NEURL4: variants seen among roughly 807,000 people sequenced by gnomAD.
NEURL4 encodes the protein neuralized E3 ubiquitin protein ligase 4.
Under a neutral mutation model 148.0 loss-of-function variants are expected in NEURL4, and 45 were observed. The ratio of observed to expected loss-of-function variants is 0.30; its 90% CI spans 0.24 to 0.39. The LOEUF is 0.39. NEURL4 is among the 10% of genes least tolerant of loss of function. NEURL4 has a pLI of 1.00. For synonymous variants in NEURL4, 854 were observed against 869.0 expected, an observed-to-expected ratio of 0.98 and a Z score of 0.30; for missense variants, 1,776 against 2,144.0, an observed-to-expected ratio of 0.83 and a Z score of 3.39.
Position 7,323,805 on chromosome 17 carries a change from G to A in NEURL4, c.2261+9C>T. The stretch of plus-strand genomic sequence containing the variant: ...AGGAAGGTGGGGACATGAAAGTTGA[G>A]AGACTGACCGGTTGGAGATGACGAT... On this transcript the variant is annotated intron_variant, in intron 12 of 28. Transcript: ENST00000399464. 3 of 1,614,162 alleles carry A rather than the reference G, an allele frequency of 1.9e-6. No individual in the cohort carries two copies. The highest frequency in any genetic ancestry group is 2.5e-6 in the Non-Finnish European group (3 of 1,180,030).
Position 7,319,188 on chromosome 17 carries a change from G to A in NEURL4, c.3546C>T (p.Asn1182=). Reference sequence around the variant, plus strand: ...GGACAAGGGAAGATGTCCACTGTCGGTTTAGGAAATCTATCCGCACCTGGG... The same window carrying A: ...GGACAAGGGAAGATGTCCACTGTCGATTTAGGAAATCTATCCGCACCTGGG... ...LLVQVRIDFL[N]RQWTSSLVLG... is the part of the protein sequence containing the mutation. The change falls in exon 22 of 29, where the codon AAC becomes AAT. Residue 1182 remains asparagine (N), a synonymous_variant. Transcript: ENST00000399464. 6.2e-7 allele frequency: 1 copy of A among 1,612,898 alleles called. No individual in the cohort carries two copies. Among genetic ancestry groups the A allele is most frequent in the East Asian group, 2.2e-5 (1 of 44,848 alleles).
Position 7,318,171 on chromosome 17 carries a change from A to T in NEURL4, c.3954T>A (p.Gly1318=), listed in dbSNP as rs200258285. The T allele has an allele frequency of 3.1e-6, 5 of 1,613,856 alleles. No individual in the cohort carries two copies. The highest frequency in any genetic ancestry group is 4.2e-6 in the Non-Finnish European group (5 of 1,179,862). ...GDMEKADMVD[G]IKESVCWGPP... is the part of the protein sequence containing the mutation. ...GACCCCAGCACACACTCTCTTTGAT[A>T]CCTGAGGGAGCAGAGGGGCACAGGT... Residue 1318 remains glycine (G), a splice_region_variant and synonymous_variant, in exon 25 of 29, where the codon GGT becomes GGA. Coordinates refer to ENST00000399464, the MANE Select transcript of NEURL4 (RefSeq NM_032442.3). The surrounding 1 kb of genome is among the most constrained non-coding windows in gnomAD (Gnocchi z 4.3).
rs924816959 is a variant in NEURL4 at position 7,321,400 on chromosome 17, A to G, written c.3159T>C (p.Asp1053=). ...GADDTMHILV[D]GEDMGPAATG... is the part of the protein sequence containing the mutation. ...TGGCTGCAGGCCCCATATCCTCTCC[A>G]TCCACCAGGATGTGCATCGTGTCAT... Residue 1053 remains aspartate, a synonymous_variant, in exon 19 of 29, where the codon GAT becomes GAC. Coordinates refer to ENST00000399464, the MANE Select transcript of NEURL4 (RefSeq NM_032442.3). The surrounding 1 kb of genome is among the most constrained non-coding windows in gnomAD (Gnocchi z 6.3). The G allele has an allele frequency of 6.2e-7, 1 of 1,613,992 alleles. No individual in the cohort carries two copies. Among genetic ancestry groups the G allele is most frequent in the Non-Finnish European group, 8.5e-7 (1 of 1,179,990 alleles).
At chr17:7,316,436 C>G in intron 28 of NEURL4, 109 bp from the exon 29 acceptor site, 1 of 835,996 alleles carries the variant, frequency 1.2e-6, no homozygotes, top group Non-Finnish European at 1.9e-6. Context: ...AATACTCCCA[C>G]CTTATGGGAA....
At position 7,327,527 on chromosome 17, in the gene NEURL4, G is replaced by T. The variant is rs1462853165; in HGVS notation, c.640C>A (p.Pro214Thr). 2 of 1,606,908 alleles carry T rather than the reference G, an allele frequency of 1.2e-6. No homozygotes were observed. Among genetic ancestry groups the T allele is most frequent in the East Asian group, 2.2e-5 (1 of 44,838 alleles). ...AGGGGAGGTGTGGGGATGGGAGTAG[G>T]GGGGCTGAAGCCTGGCTCAGGGGGT... ...VLPPEPGFSP[P>T]TPIPTPPLEP... Residue 214 changes from proline to threonine, a missense_variant, in exon 2 of 29, where the codon CCT becomes ACT. Physicochemically the swap from Pro to Thr is conservative, Grantham distance 38. Coordinates refer to ENST00000399464, the MANE Select transcript of NEURL4 (RefSeq NM_032442.3). The surrounding 1 kb of genome is among the most constrained non-coding windows in gnomAD (Gnocchi z 6.6).
Position 7,315,808 on chromosome 17 carries a change from C to T in NEURL4, c.*315G>A, listed in dbSNP as rs570001593. ...GATTCACAGTAACCAGAAACAAAAA[C>T]GGAAATAAATTAAGTGATGTGGGGT... On this transcript the variant is annotated 3_prime_UTR_variant, in exon 29 of 29. Coordinates refer to ENST00000399464, the MANE Select transcript of NEURL4 (RefSeq NM_032442.3). 2.0e-6 allele frequency: 1 copy of T among 511,778 alleles called. No individual in the cohort carries two copies. The highest frequency in any genetic ancestry group is 2.0e-5 in the African/African-American group (1 of 51,044). The allele number at this position is 511,778 out of a possible 1,614,324, so 31.7% of individuals were successfully genotyped here. A position where few individuals can be genotyped will look rare whatever the true frequency, so the allele number is the denominator to read the frequency against.
chr17:7,327,863 T>G lies in NEURL4; in HGVS notation c.304A>C (p.Ile102Leu), dbSNP rs772650227. ...DRKVNSWSGS[I>L]EIGVTALDPS... Reference sequence around the variant, plus strand: ...TCCAGCGCTGTCACCCCAATCTCAATGGAGCCGCTCCAGGAGTTGACCTGG... The same window carrying G: ...TCCAGCGCTGTCACCCCAATCTCAAGGGAGCCGCTCCAGGAGTTGACCTGG... Residue 102 changes from isoleucine to leucine, a missense_variant, in exon 2 of 29, where the codon ATT becomes CTT. Ile to Leu is a conservative substitution (Grantham distance 5). Coordinates refer to ENST00000399464, the MANE Select transcript of NEURL4 (RefSeq NM_032442.3). This position sits in a 1 kb window ranked among gnomAD's most constrained non-coding sequence, Gnocchi z 6.6. The G allele has an allele frequency of 1.9e-6, 3 of 1,611,230 alleles. No homozygotes were observed. Among genetic ancestry groups the G allele is most frequent in the African/African-American group, 1.3e-5 (1 of 74,972 alleles).
chr17:7,327,036 G>T lies in NEURL4; in HGVS notation c.794-27C>A, dbSNP rs765098749. On this transcript the variant is annotated intron_variant, in intron 3 of 28. Transcript: ENST00000399464. This position sits in a 1 kb window ranked among gnomAD's most constrained non-coding sequence, Gnocchi z 6.6. ...TATAGCAGCAGGATGGAAGAAGGAA[G>T]CTCGGAAGTTGGGATGAGGCTCTAC... is the stretch of plus-strand genomic sequence containing the variant. 5.0e-6 allele frequency: 8 copies of T among 1,606,172 alleles called. No homozygotes were observed. The highest frequency in any genetic ancestry group is 1.7e-6 in the Non-Finnish European group (2 of 1,179,676).
chr17:7,329,252 C>G lies in NEURL4; in HGVS notation c.61G>C (p.Gly21Arg), dbSNP rs1361522376. ...CCGCTCCCGCTGGGGCCCCCACCCC[C>G]GCCCGGCCCCGGTCCAGGGCCTCCC... The part of the protein sequence containing the change: ...SGGGPGPGPG[G>R]GGGPSGSGSG... The change falls in exon 1 of 29, where the codon GGG (glycine) becomes CGG (arginine). Residue 21 changes from glycine to arginine, a missense_variant. Gly to Arg is a moderately radical substitution (Grantham distance 125). Transcript: ENST00000399464. The G allele has an allele frequency of 6.7e-7, 1 of 1,486,318 alleles. No homozygotes were observed. The highest frequency in any genetic ancestry group is 2.3e-5 in the Admixed American group (1 of 44,310). 92.1% of individuals were successfully genotyped at this position (1,486,318 alleles called of 1,614,324 possible).
Position 7,322,984 on chromosome 17 carries a change from G to C in NEURL4, c.2557C>G (p.Gln853Glu). The change falls in exon 15 of 29, where the codon CAA becomes GAA. Residue 853 changes from glutamine (Q) to glutamate (E), a missense_variant. By Grantham distance (29) the Gln-to-Glu change is conservative. Coordinates refer to ENST00000399464, the MANE Select transcript of NEURL4 (RefSeq NM_032442.3). The surrounding 1 kb of genome is among the most constrained non-coding windows in gnomAD (Gnocchi z 5.5). Reference sequence around the variant, plus strand: ...GGCAGGCCCGAGCAGGCAGCGCCTTGGTCCTGGCCGTTGATGAAGTAGTGC... The same window carrying C: ...GGCAGGCCCGAGCAGGCAGCGCCTTCGTCCTGGCCGTTGATGAAGTAGTGC... Reference protein sequence around the residue: ...DLHYFINGQDQGAACSGLPPG... With the variant: ...DLHYFINGQDEGAACSGLPPG... The C allele has an allele frequency of 6.2e-7, 1 of 1,613,682 alleles. No individual in the cohort carries two copies. The highest frequency in any genetic ancestry group is 8.5e-7 in the Non-Finnish European group (1 of 1,179,986).
intron 21 of NEURL4, among the ~76,000 whole-genome samples, chr17:7,319,893 G>A (rs945897524): frequency 1.3e-5 from 2 of 151,502 alleles, no homozygotes; most frequent in African/African-American, 4.8e-5. Context: ...GCAGCGGTGC[G>A]ATCTCGGCTC....
At chr17:7,325,581 C>A in intron 7 of NEURL4, 60 bp downstream of exon 7, 5 of 1,583,632 alleles carry the variant, frequency 3.2e-6, no homozygotes, top group East Asian at 2.2e-5. Flanking sequence ...TGAGGTACAG[C>A]CCCCAGTCCC....
At position 7,318,854 on chromosome 17, in the gene NEURL4, T is replaced by C; in HGVS notation, c.3685-180A>G. The C allele has an allele frequency of 1.1e-6, 1 of 904,984 alleles. No individual in the cohort carries two copies. Among genetic ancestry groups the C allele is most frequent in the Non-Finnish European group, 1.6e-6 (1 of 608,306 alleles). The allele number at this position is 904,984 out of a possible 1,614,324, so 56.1% of individuals were successfully genotyped here. On this transcript the variant is annotated intron_variant, in intron 22 of 28. Transcript: ENST00000399464. The surrounding 1 kb of genome is among the most constrained non-coding windows in gnomAD (Gnocchi z 4.3). ...CCCCTTCCCCAAAACTGGCACATTC[T>C]CAATGGCAGGGACACCGCAGGAAGC...
Position 7,321,532 on chromosome 17 carries a change from C to A in NEURL4, c.3099+28G>T, listed in dbSNP as rs569960933. On this transcript the variant is annotated intron_variant, in intron 18 of 28. Transcript: ENST00000399464. This position sits in a 1 kb window ranked among gnomAD's most constrained non-coding sequence, Gnocchi z 6.3. ...CCTGCCACCTCCACTCCCAACCCCT[C>A]CCCTGTCCCTGGAGCCAGCCACTTC... is the stretch of plus-strand genomic sequence containing the variant. 3.1e-6 allele frequency: 5 copies of A among 1,613,446 alleles called. No individual in the cohort carries two copies. The highest frequency in any genetic ancestry group is 3.4e-6 in the Non-Finnish European group (4 of 1,179,440).
chr17:7,319,186 C>G lies in NEURL4; in HGVS notation c.3548G>C (p.Arg1183Pro), dbSNP rs376244152. ...LVQVRIDFLN[R>P]QWTSSLVLGV... ...CAGGACAAGGGAAGATGTCCACTGTCGGTTTAGGAAATCTATCCGCACCTG... is the reference window on the plus strand; with the variant it reads ...CAGGACAAGGGAAGATGTCCACTGTGGGTTTAGGAAATCTATCCGCACCTG... The change falls in exon 22 of 29, where the codon CGA becomes CCA. Residue 1183 changes from arginine to proline, a missense_variant. Coordinates refer to ENST00000399464, the MANE Select transcript of NEURL4 (RefSeq NM_032442.3). 1.1e-4 allele frequency: 175 copies of G among 1,612,860 alleles called. No individual in the cohort carries two copies. The highest frequency in any genetic ancestry group is 1.4e-4 in the Non-Finnish European group (166 of 1,179,458).
At position 7,319,074 on chromosome 17, in the gene NEURL4, A is replaced by C; in HGVS notation, c.3660T>G (p.Arg1220=). 1.2e-6 allele frequency: 2 copies of C among 1,613,380 alleles called. No individual in the cohort carries two copies. Among genetic ancestry groups the C allele is most frequent in the Non-Finnish European group, 1.7e-6 (2 of 1,179,692 alleles). ...LKRAAWLLRG[R]GVFHNGLKIC... ...CCTTGAGACCGTTGTGGAAGACCCC[A>C]CGGCCCCGCAGCAGCCAGGCTGCCC... The change falls in exon 22 of 29, where the codon CGT becomes CGG. Residue 1220 remains arginine (R), a synonymous_variant. Transcript: ENST00000399464.
At position 7,317,790 on chromosome 17, in the gene NEURL4, G is replaced by C. The variant is rs1292830259; in HGVS notation, c.4203C>G (p.Leu1401=). 1.9e-6 allele frequency: 3 copies of C among 1,613,368 alleles called. No individual in the cohort carries two copies. The highest frequency in any genetic ancestry group is 2.5e-6 in the Non-Finnish European group (3 of 1,179,970). The change falls in exon 26 of 29, where the codon CTC becomes CTG. Residue 1401 remains leucine, a splice_region_variant and synonymous_variant. Coordinates refer to ENST00000399464, the MANE Select transcript of NEURL4 (RefSeq NM_032442.3). ...GGCATGACCTTGCCCATATGTACCTGAGGTTGAACCTGCACCAGCCAAAGG... is the reference window on the plus strand; with the variant it reads ...GGCATGACCTTGCCCATATGTACCTCAGGTTGAACCTGCACCAGCCAAAGG... ...ALPFGWCRFN[L]RVNPRLEAGT...
At position 7,318,525 on chromosome 17, in the gene NEURL4, C is replaced by G; in HGVS notation, c.3834G>C (p.Ala1278=). The part of the protein sequence containing the change: ...AVPDVPQPCH[A]LVDLYGQCEQ... Reference sequence around the variant, plus strand: ...CACACTGCCCATAGAGGTCCACAAGCGCATGGCAGGGCTGGGGCACATCTG... The same window carrying G: ...CACACTGCCCATAGAGGTCCACAAGGGCATGGCAGGGCTGGGGCACATCTG... Residue 1278 remains alanine, a synonymous_variant, in exon 23 of 29, where the codon GCG becomes GCC. Transcript: ENST00000399464. The surrounding 1 kb of genome is among the most constrained non-coding windows in gnomAD (Gnocchi z 4.3). 6.2e-7 allele frequency: 1 copy of G among 1,611,356 alleles called. No individual in the cohort carries two copies. Among genetic ancestry groups the G allele is most frequent in the Non-Finnish European group, 8.5e-7 (1 of 1,178,462 alleles).
chr17:7,321,234 C>G lies in NEURL4; in HGVS notation c.3238G>C (p.Gly1080Arg). ...AVLDLYGPVR[G>R]VSIVSSTRLE... is the part of the protein sequence containing the mutation. ...CTCGTGGAACTGACAATTGACACAC[C>G]GCGGACTGGCCCGTAGAGATCCAAC... The change falls in exon 20 of 29, where the codon GGT (glycine) becomes CGT (arginine). Residue 1080 changes from glycine (G) to arginine (R), a missense_variant. Gly to Arg is a moderately radical substitution (Grantham distance 125). Coordinates refer to ENST00000399464, the MANE Select transcript of NEURL4 (RefSeq NM_032442.3). The surrounding 1 kb of genome is among the most constrained non-coding windows in gnomAD (Gnocchi z 6.3). The G allele has an allele frequency of 2.5e-6, 4 of 1,613,972 alleles. No individual in the cohort carries two copies. Among genetic ancestry groups the G allele is most frequent in the Non-Finnish European group, 3.4e-6 (4 of 1,180,024 alleles).
Sources: allele counts gnomAD v4.1 joint callset (sites outside exome capture counted in the v4.1 genomes callset), GRCh38; gene constraint gnomAD v4.1.1; non-coding constraint Gnocchi (gnomAD v3.1); transcripts MANE v1.5; gene names NCBI Gene and HGNC (gene_info 2026-07-23, HGNC 2026-07-21).